The following SNED1 variants were observed in gnomAD, a reference collection of about 807,000 sequenced individuals.
SNED1 encodes sushi, nidogen and EGF-like domain-containing protein 1.
In SNED1, 81 loss-of-function variants were observed where a neutral mutation model predicts 166.7. The observed-to-expected ratio is 0.49, with a 90% CI of 0.41 to 0.58. The LOEUF (loss-of-function observed/expected upper bound fraction) is 0.58. SNED1 is among the 20% of genes least tolerant of loss of function. SNED1 has a pLI of 0.00. For missense variants in SNED1, 1,604 were observed against 2,000.2 expected (o/e 0.80, Z 3.78); for synonymous variants, 762 against 822.0 (o/e 0.93, Z 1.25).
At chr2:241,089,073 TC>T (rs1164201691) in intron 31 of SNED1, 2 of 437,666 alleles carry the variant, frequency 4.6e-6, no homozygotes, top group Non-Finnish European at 8.1e-6. Context: ...TGCCCCCACC[TC>T]CCCACACAAA....
intron 27 of SNED1, among the ~76,000 whole-genome samples, chr2:241,078,659 T>C (rs1203576442): frequency 6.6e-6 from 1 of 151,826 alleles, no homozygotes. Context: ...GGGAAGGCAG[T>C]AACAGCTAAA....
intron 31 of SNED1, chr2:241,090,000 A>C (rs1220801700): frequency 6.5e-7 from 1 of 1,549,432 alleles, no homozygotes; most frequent in South Asian, 1.2e-5. Flanking sequence ...CGCTTAGCGT[A>C]GCTGGAATGC....
intron 8 of SNED1, chr2:241,041,156 G>A (rs1574963764): frequency 3.6e-6 from 1 of 281,566 alleles, no homozygotes. Flanking sequence ...CGAGTGCATG[G>A]GAGGCCAGGG....
intron 24 of SNED1, 95 bp downstream of exon 24, chr2:241,070,296 C>T: frequency 1.5e-6 from 2 of 1,302,096 alleles, no homozygotes; most frequent in Non-Finnish European, 1.0e-6. Context: ...GCCTGGGATG[C>T]CAGGCAGACA....
intron 1 of SNED1, among the ~76,000 whole-genome samples, chr2:241,003,600 A>G (rs1418982587): frequency 1.3e-5 from 2 of 152,182 alleles, no homozygotes; most frequent in Non-Finnish European, 2.9e-5. Context: ...GCCTCAGCCC[A>G]CAGCCGACTC....
chr2:241,005,260 G>A (rs1371300149), intron 1 of SNED1, among the ~76,000 whole-genome samples: 1 of 152,046 alleles, frequency 6.6e-6, no homozygotes, highest in Non-Finnish European at 1.5e-5. Context: ...CTACAGTGCA[G>A]TGGCATGATC....
At position 241,064,877 on chromosome 2, in the gene SNED1, G is replaced by A. The variant is rs1214667467; in HGVS notation, c.2633G>A (p.Gly878Asp). The A allele has an allele frequency of 1.3e-6, 2 of 1,590,238 alleles. No homozygotes were observed. The highest frequency in any genetic ancestry group is 1.7e-6 in the Non-Finnish European group (2 of 1,173,222). Residue 878 changes from glycine (G) to aspartate (D), a missense_variant, in exon 20 of 32, where the codon GGC becomes GAC. This residue lies in a region of SNED1 where 1,237 missense variants were observed against 1,620.8 expected (regional missense o/e 0.76). Transcript: ENST00000310397. The surrounding 1 kb of genome is among the most constrained non-coding windows in gnomAD (Gnocchi z 7.0). ...SDPCFSSPCG[G>D]RGYCLASNGS... Reference sequence around the variant, plus strand: ...CCCTGCTTCTCCAGCCCCTGTGGGGGCCGTGGCTATTGCCTGGCCAGCAAC... The same window carrying A: ...CCCTGCTTCTCCAGCCCCTGTGGGGACCGTGGCTATTGCCTGGCCAGCAAC...
rs751167840 is a variant in SNED1 at position 241,071,812 on chromosome 2, G to A, written c.3751G>A (p.Asp1251Asn). 3 of 1,600,188 alleles carry A rather than the reference G, an allele frequency of 1.9e-6. No homozygotes were observed. The highest frequency in any genetic ancestry group is 3.4e-5 in the Admixed American group (2 of 59,136). The change falls in exon 26 of 32, where the codon GAC becomes AAC. Residue 1251 changes from aspartate to asparagine, a missense_variant. By Grantham distance (23) the Asp-to-Asn change is conservative. Coordinates refer to ENST00000310397, the MANE Select transcript of SNED1 (RefSeq NM_001080437.3). The part of the protein sequence containing the change: ...TQPPRFSELV[D>N]GRGRVSARFG... ...TCTCTGCAGGTTCTCGGAGCTTGTGGACGGCAGAGGAAGAGTGAGCGCCAG... is the reference window on the plus strand; with the variant it reads ...TCTCTGCAGGTTCTCGGAGCTTGTGAACGGCAGAGGAAGAGTGAGCGCCAG...
At chr2:241,050,351 A>G (rs1283170444) in intron 12 of SNED1, among the ~76,000 whole-genome samples, 1 of 152,158 alleles carries the variant, frequency 6.6e-6, no homozygotes, top group Admixed American at 6.5e-5. Context: ...AGGCGTAGCT[A>G]TCCCCGCCAG....
chr2:241,043,790 A>G (rs962271573), intron 8 of SNED1, among the ~76,000 whole-genome samples: 1 of 152,230 alleles, frequency 6.6e-6, no homozygotes, highest in African/African-American at 2.4e-5. Flanking sequence ...CAACTCTACC[A>G]TTGTAATGTG....
At chr2:241,076,467 C>T (rs1239989231) in intron 27 of SNED1, among the ~76,000 whole-genome samples, 1 of 152,190 alleles carries the variant, frequency 6.6e-6, no homozygotes, top group Non-Finnish European at 1.5e-5. Context: ...CCTTTGCATA[C>T]TGACCTTATA....
At chr2:241,016,423 T>C (rs923664691) in intron 1 of SNED1, among the ~76,000 whole-genome samples, 1 of 152,118 alleles carries the variant, frequency 6.6e-6, no homozygotes, top group African/African-American at 2.4e-5. Flanking sequence ...ATGGTCTCGA[T>C]CTGACCTCAT....
Position 241,068,001 on chromosome 2 carries a change from C to A in SNED1, c.3194+54C>A. 1 of 1,359,800 alleles carries A rather than the reference C, an allele frequency of 7.4e-7. No homozygotes were observed. The highest frequency in any genetic ancestry group is 1.0e-6 in the Non-Finnish European group (1 of 975,070). 84.2% of individuals were successfully genotyped at this position (1,359,800 alleles called of 1,614,324 possible). A position where few individuals can be genotyped will look rare whatever the true frequency, so the allele number is the denominator to read the frequency against. ...TGGGGTGAAGGCAGGGGTGGGGGCT[C>A]GGGGACACGGGGCCCAGGTCTCGGG... On this transcript the variant is annotated intron_variant, in intron 22 of 31. Transcript: ENST00000310397. The surrounding 1 kb of genome is among the most constrained non-coding windows in gnomAD (Gnocchi z 5.3).
In SNED1 at chr2:241,018,414, C is replaced by T. The variant is rs2060664807; in HGVS notation, c.214-11870C>T. ...TCAGCAGTAGCCTGACTCAGGCAGG[C>T]CATGAGGCACCTTGCCAGGTGCTGG... On this transcript the variant is annotated intron_variant, in intron 1 of 31. Coordinates refer to ENST00000310397, the MANE Select transcript of SNED1 (RefSeq NM_001080437.3). This position sits in a 1 kb window ranked among gnomAD's most constrained non-coding sequence, Gnocchi z 5.4. 3.3e-5 allele frequency among the ~76,000 whole-genome samples: 5 copies of T among 152,178 alleles called. No homozygotes were observed. The South Asian group carries it at 1.0e-3, about 32-fold the overall frequency.
intron 8 of SNED1, among the ~76,000 whole-genome samples, chr2:241,047,815 C>A (rs1452096959): frequency 6.6e-6 from 1 of 151,886 alleles, no homozygotes; most frequent in Non-Finnish European, 1.5e-5. Context: ...TCTGTCCATT[C>A]CCAGGTGGTT....
Position 241,069,719 on chromosome 2 carries a change from C to T in SNED1, c.3308-201C>T, listed in dbSNP as rs1476176611. On this transcript the variant is annotated intron_variant, in intron 23 of 31. Coordinates refer to ENST00000310397, the MANE Select transcript of SNED1 (RefSeq NM_001080437.3). The surrounding 1 kb of genome is among the most constrained non-coding windows in gnomAD (Gnocchi z 4.9). The stretch of plus-strand genomic sequence containing the variant: ...CCTAACCCGAGGGGAGGGTGGCAAC[C>T]AGGGGCCTGCAGGTCTCTCGGTTGG... Among the ~76,000 whole-genome samples, 1 of 152,088 alleles carries T rather than the reference C, an allele frequency of 6.6e-6. No homozygotes were observed. The highest frequency in any genetic ancestry group is 2.4e-5 in the African/African-American group (1 of 41,418).
intron 12 of SNED1, 119 bp downstream of exon 12, chr2:241,050,052 C>A: frequency 1.3e-6 from 1 of 772,864 alleles, no homozygotes; most frequent in Non-Finnish European, 2.3e-6. Flanking sequence ...TCGTCTAGAG[C>A]CTTGCCTGAT....
intron 6 of SNED1, among the ~76,000 whole-genome samples, chr2:241,039,629 G>C (rs2061466079): frequency 6.6e-6 from 1 of 152,058 alleles, no homozygotes; most frequent in African/African-American, 2.4e-5. Context: ...ACAGGCCACT[G>C]CCTGCCCCAC....
At chr2:241,071,965 A>G (rs913009700) in intron 26 of SNED1, 87 bp downstream of exon 26, 3 of 1,113,586 alleles carry the variant, frequency 2.7e-6, no homozygotes. Flanking sequence ...CTACATGATG[A>G]GCCCACCCCC....
Sources: allele counts gnomAD v4.1 joint callset (sites outside exome capture counted in the v4.1 genomes callset), GRCh38; gene constraint gnomAD v4.1.1; regional missense constraint gnomAD v4.1.1; non-coding constraint Gnocchi (gnomAD v3.1); transcripts MANE v1.5; gene names NCBI Gene and HGNC (gene_info 2026-07-23, HGNC 2026-07-21).